The following AGPAT4 variants were observed in gnomAD, a reference collection of about 807,000 sequenced individuals.
AGPAT4 encodes 1-acylglycerol-3-phosphate O-acyltransferase 4, also known as 1-acyl-sn-glycerol-3-phosphate acyltransferase delta.
Under a neutral mutation model 48.0 loss-of-function variants are expected in AGPAT4, and 15 were observed. The ratio of observed to expected loss-of-function variants is 0.31; its 90% CI spans 0.21 to 0.48. AGPAT4 has a LOEUF of 0.48. AGPAT4 is among the 20% of genes least tolerant of loss of function. The pLI is 0.99. For synonymous variants in AGPAT4, 178 were observed against 198.7 expected (o/e 0.90, Z 0.88); for missense variants, 314 against 482.5 (o/e 0.65, Z 3.27).
rs779521928 is a variant in AGPAT4, at chr6:161,206,645, A to G, written c.178+25391T>C. Among the ~76,000 whole-genome samples, 2 of 152,156 alleles carry G rather than the reference A, an allele frequency of 1.3e-5. No homozygotes were observed. Among genetic ancestry groups the G allele is most frequent in the Non-Finnish European group, 2.9e-5 (2 of 68,038 alleles). Reference sequence around the variant, plus strand: ...AGATACAATTGAAAAATCACTTGACATGCCAAGGACCAGGAAAATCACAAC... The same window carrying G: ...AGATACAATTGAAAAATCACTTGACGTGCCAAGGACCAGGAAAATCACAAC... On this transcript the variant is annotated intron_variant, in intron 2 of 8. Transcript: ENST00000320285. This position sits in a 1 kb window ranked among gnomAD's most constrained non-coding sequence, Gnocchi z 4.8.
At position 161,222,487 on chromosome 6, in the gene AGPAT4, T is replaced by C. The variant is rs772027808; in HGVS notation, c.178+9549A>G. On this transcript the variant is annotated intron_variant, in intron 2 of 8. Transcript: ENST00000320285. The surrounding 1 kb of genome is among the most constrained non-coding windows in gnomAD (Gnocchi z 5.9). ...TACCAAGAGTTTTGTATTGTGCTAT[T>C]TTTACTTAATAATATTTAGGGTATA... is the stretch of plus-strand genomic sequence containing the variant. Among the ~76,000 whole-genome samples the C allele has an allele frequency of 1.3e-5, 2 of 152,204 alleles. No homozygotes were observed. Among genetic ancestry groups the C allele is most frequent in the African/African-American group, 2.4e-5 (1 of 41,444 alleles).
rs1782548151 is a variant in AGPAT4, at chr6:161,243,266, A to G, written c.-89-10964T>C. On this transcript the variant is annotated intron_variant, in intron 1 of 8. Transcript: ENST00000320285. This position sits in a 1 kb window ranked among gnomAD's most constrained non-coding sequence, Gnocchi z 4.8. Reference sequence around the variant, plus strand: ...GGCAGCTCTCCCCTTGGGGTTACCAAAGTAGGGAAATGGCCCAAGACCCGG... The same window carrying G: ...GGCAGCTCTCCCCTTGGGGTTACCAGAGTAGGGAAATGGCCCAAGACCCGG... Among the ~76,000 whole-genome samples the G allele has an allele frequency of 6.6e-6, 1 of 152,048 alleles. No homozygotes were observed. The highest frequency in any genetic ancestry group is 1.5e-5 in the Non-Finnish European group (1 of 67,998).
At chr6:161,162,267 C>A (rs1018378435) in intron 3 of AGPAT4, among the ~76,000 whole-genome samples, 1 of 152,268 alleles carries the variant, frequency 6.6e-6, no homozygotes, top group Non-Finnish European at 1.5e-5. Context: ...CCCCTGCACA[C>A]CCTACCCCAC....
chr6:161,154,461 C>A lies in AGPAT4; in HGVS notation c.349-151G>T. The A allele has an allele frequency of 1.2e-6, 1 of 856,522 alleles. No individual in the cohort carries two copies. Among genetic ancestry groups the A allele is most frequent in the South Asian group, 1.8e-5 (1 of 55,786 alleles). The allele number at this position is 856,522 out of a possible 1,614,324, so 53.1% of individuals were successfully genotyped here. A position where few individuals can be genotyped will look rare whatever the true frequency, so the allele number is the denominator to read the frequency against. On this transcript the variant is annotated intron_variant, in intron 3 of 8. Coordinates refer to ENST00000320285, the MANE Select transcript of AGPAT4 (RefSeq NM_020133.3). This position sits in a 1 kb window ranked among gnomAD's most constrained non-coding sequence, Gnocchi z 7.8. ...GAACACATGCTGTCGAGGCCATGGA[C>A]CCTGGTGCCCTCCCCACCTTTCAGC...
rs1783029088 is a variant in AGPAT4, at chr6:161,259,093, C to T, written c.-90+14845G>A. 1.3e-5 allele frequency among the ~76,000 whole-genome samples: 2 copies of T among 152,164 alleles called. No individual in the cohort carries two copies. The highest frequency in any genetic ancestry group is 6.5e-5 in the Admixed American group (1 of 15,284). ...GATTACAGGTGTGAGCCACGGTACCCGGCCTTAAATTCTTTTCAATTGACA... is the reference window on the plus strand; with the variant it reads ...GATTACAGGTGTGAGCCACGGTACCTGGCCTTAAATTCTTTTCAATTGACA... On this transcript the variant is annotated intron_variant, in intron 1 of 8. Transcript: ENST00000320285. The surrounding 1 kb of genome is among the most constrained non-coding windows in gnomAD (Gnocchi z 4.9).
rs1308329237 is a variant in AGPAT4, at chr6:161,161,002, G to T, written c.348+5246C>A. 4 of 453,376 alleles carry T rather than the reference G, an allele frequency of 8.8e-6. No individual in the cohort carries two copies. Among genetic ancestry groups the T allele is most frequent in the African/African-American group, 2.0e-5 (1 of 49,410 alleles). 28.1% of individuals were successfully genotyped at this position (453,376 alleles called of 1,614,324 possible). A position where few individuals can be genotyped will look rare whatever the true frequency, so the allele number is the denominator to read the frequency against. On this transcript the variant is annotated intron_variant, in intron 3 of 8. Coordinates refer to ENST00000320285, the MANE Select transcript of AGPAT4 (RefSeq NM_020133.3). The surrounding 1 kb of genome is among the most constrained non-coding windows in gnomAD (Gnocchi z 4.6). The stretch of plus-strand genomic sequence containing the variant: ...AAGCACAGGCAGATGGGGCATCAGA[G>T]GGCCCTAAGCACAGAGCACGAAAGG...
In AGPAT4 at chr6:161,154,364, G is replaced by C. The variant is rs2114967212; in HGVS notation, c.349-54C>G. The stretch of plus-strand genomic sequence containing the variant: ...CATGAAGGAGACGTCAGAGCCACCT[G>C]CCGGGGCTGTTGGAGACTGAAGTAG... On this transcript the variant is annotated intron_variant, in intron 3 of 8. Coordinates refer to ENST00000320285, the MANE Select transcript of AGPAT4 (RefSeq NM_020133.3). This position sits in a 1 kb window ranked among gnomAD's most constrained non-coding sequence, Gnocchi z 7.8. The C allele has an allele frequency of 1.2e-6, 2 of 1,604,906 alleles. No individual in the cohort carries two copies. Among genetic ancestry groups the C allele is most frequent in the African/African-American group, 1.3e-5 (1 of 74,660 alleles).
chr6:161,130,794 C>T lies in AGPAT4; in HGVS notation c.*5746G>A, dbSNP rs1367132220. ...TGCCATTGCTACCCGGAAGCTGGCT[C>T]TGCAGCGTTGTGACTTAGACACTTT... On this transcript the variant is annotated 3_prime_UTR_variant, in exon 9 of 9. Coordinates refer to ENST00000320285, the MANE Select transcript of AGPAT4 (RefSeq NM_020133.3). 3.9e-6 allele frequency: 2 copies of T among 513,562 alleles called. No homozygotes were observed. The highest frequency in any genetic ancestry group is 1.9e-5 in the African/African-American group (1 of 51,884). The allele number at this position is 513,562 out of a possible 1,614,324, so 31.8% of individuals were successfully genotyped here. A position where few individuals can be genotyped will look rare whatever the true frequency, so the allele number is the denominator to read the frequency against.
chr6:161,191,184 A>G (rs1480424502), intron 2 of AGPAT4, among the ~76,000 whole-genome samples: 1 of 152,244 alleles, frequency 6.6e-6, no homozygotes, highest in Admixed American at 6.5e-5. Flanking sequence ...GTTAGCATAC[A>G]CTTGACAGAC....
chr6:161,268,667 GCTGATATCAT>G, intron 1 of AGPAT4, among the ~76,000 whole-genome samples: 1 of 152,326 alleles, frequency 6.6e-6, no homozygotes, highest in Non-Finnish European at 1.5e-5. Flanking sequence ...ACAGCTTCAT[GCTGATATCAT>G]CTGAGTTTAA....
At position 161,140,302 on chromosome 6, in the gene AGPAT4, G is replaced by A. The variant is rs1324852588; in HGVS notation, c.844-682C>T. On this transcript the variant is annotated intron_variant, in intron 7 of 8. Coordinates refer to ENST00000320285, the MANE Select transcript of AGPAT4 (RefSeq NM_020133.3). The surrounding 1 kb of genome is among the most constrained non-coding windows in gnomAD (Gnocchi z 6.5). Reference sequence around the variant, plus strand: ...TCCAGGGTGACTCTTCTAAGTGATTGTTAGACCGTGTGAAAGGTAAACAAA... The same window carrying A: ...TCCAGGGTGACTCTTCTAAGTGATTATTAGACCGTGTGAAAGGTAAACAAA... 6.6e-6 allele frequency among the ~76,000 whole-genome samples: 1 copy of A among 152,214 alleles called. No individual in the cohort carries two copies. The highest frequency in any genetic ancestry group is 1.5e-5 in the Non-Finnish European group (1 of 68,032).
intron 2 of AGPAT4, among the ~76,000 whole-genome samples, chr6:161,187,091 A>G (rs918020768): frequency 1.1e-4 from 16 of 152,246 alleles, no homozygotes; most frequent in African/African-American, 3.9e-4. Context: ...TTATCTGTAA[A>G]AATGGAATAA....
rs371607424 is a variant in AGPAT4 at position 161,232,157 on chromosome 6, G to A, written c.57C>T (p.Tyr19=). The change falls in exon 2 of 9, where the codon TAC becomes TAT. Residue 19 remains tyrosine, a synonymous_variant. Coordinates refer to ENST00000320285, the MANE Select transcript of AGPAT4 (RefSeq NM_020133.3). This position sits in a 1 kb window ranked among gnomAD's most constrained non-coding sequence, Gnocchi z 6.8. ...TGATTAGCCCTGAGGCAATAAAGAC[G>A]TAGCAGAAGACCAGGTGGCACAGGA... is the stretch of plus-strand genomic sequence containing the variant. The part of the protein sequence containing the change: ...SQFLCHLVFC[Y]VFIASGLIIN... 1.9e-5 allele frequency: 30 copies of A among 1,614,046 alleles called. 1 individual carries two copies. Among genetic ancestry groups the A allele is most frequent in the South Asian group, 6.6e-5 (6 of 91,086 alleles).
At chr6:161,247,712 G>C (rs1782693496) in intron 1 of AGPAT4, among the ~76,000 whole-genome samples, 1 of 152,076 alleles carries the variant, frequency 6.6e-6, no homozygotes, top group African/African-American at 2.4e-5. Flanking sequence ...GCCAGGCCAT[G>C]GTGGCTTACA....
chr6:161,180,245 G>C lies in AGPAT4; in HGVS notation c.179-13828C>G, dbSNP rs906914407. Among the ~76,000 whole-genome samples the C allele has an allele frequency of 6.6e-6, 1 of 152,156 alleles. No individual in the cohort carries two copies. The highest frequency in any genetic ancestry group is 2.4e-5 in the African/African-American group (1 of 41,446). ...TTCCCCACCATTCCCCAAGGCTCCTGCTCCTTCCTCGCTCCAGTGGGTGGG... is the reference window on the plus strand; with the variant it reads ...TTCCCCACCATTCCCCAAGGCTCCTCCTCCTTCCTCGCTCCAGTGGGTGGG... On this transcript the variant is annotated intron_variant, in intron 2 of 8. Coordinates refer to ENST00000320285, the MANE Select transcript of AGPAT4 (RefSeq NM_020133.3). This position sits in a 1 kb window ranked among gnomAD's most constrained non-coding sequence, Gnocchi z 6.4.
chr6:161,175,309 A>G (rs1407407079), intron 2 of AGPAT4, among the ~76,000 whole-genome samples: 1 of 152,184 alleles, frequency 6.6e-6, no homozygotes, highest in African/African-American at 2.4e-5. Flanking sequence ...GCTATTAATT[A>G]TTGCCTCAAT....
chr6:161,236,069 C>T lies in AGPAT4; in HGVS notation c.-89-3767G>A, dbSNP rs183809854. ...GCTGGAGAGAAACATTTTAAAAATACTTTGCCTAGTTCCCTTTTAGCTTTG... is the reference window on the plus strand; with the variant it reads ...GCTGGAGAGAAACATTTTAAAAATATTTTGCCTAGTTCCCTTTTAGCTTTG... On this transcript the variant is annotated intron_variant, in intron 1 of 8. Transcript: ENST00000320285. The surrounding 1 kb of genome is among the most constrained non-coding windows in gnomAD (Gnocchi z 5.0). Among the ~76,000 whole-genome samples, 2 of 152,328 alleles carry T rather than the reference C, an allele frequency of 1.3e-5. No homozygotes were observed. Among genetic ancestry groups the T allele is most frequent in the Non-Finnish European group, 1.5e-5 (1 of 68,030 alleles).
rs561412790 is a variant in AGPAT4 at position 161,189,115 on chromosome 6, G to C, written c.179-22698C>G. Among the ~76,000 whole-genome samples, 12 of 152,202 alleles carry C rather than the reference G, an allele frequency of 7.9e-5. No homozygotes were observed. The highest frequency in any genetic ancestry group is 1.3e-4 in the Non-Finnish European group (9 of 68,032). On this transcript the variant is annotated intron_variant, in intron 2 of 8. Coordinates refer to ENST00000320285, the MANE Select transcript of AGPAT4 (RefSeq NM_020133.3). This position sits in a 1 kb window ranked among gnomAD's most constrained non-coding sequence, Gnocchi z 5.3. Reference sequence around the variant, plus strand: ...ACATCCCTGATAAATCATTTTGCCAGGGTTTCATCTACCAGGTGAGCTTTA... The same window carrying C: ...ACATCCCTGATAAATCATTTTGCCACGGTTTCATCTACCAGGTGAGCTTTA...
chr6:161,166,173 C>T lies in AGPAT4; in HGVS notation c.348+75G>A. 6.5e-7 allele frequency: 1 copy of T among 1,548,458 alleles called. No homozygotes were observed. The highest frequency in any genetic ancestry group is 1.9e-5 in the Admixed American group (1 of 52,800). On this transcript the variant is annotated intron_variant, in intron 3 of 8. Coordinates refer to ENST00000320285, the MANE Select transcript of AGPAT4 (RefSeq NM_020133.3). The surrounding 1 kb of genome is among the most constrained non-coding windows in gnomAD (Gnocchi z 6.7). ...GATTCTTCTGCAAGTTCTGAATGAC[C>T]AGGAGCAAAAAGACAAGTGGTGGGG...
Sources: gnomAD v4.1 joint callset for allele counts (sites outside exome capture counted in the v4.1 genomes callset) on GRCh38, gnomAD v4.1.1 for gene constraint, Gnocchi (gnomAD v3.1) non-coding constraint, MANE v1.5 for transcripts, NCBI Gene and HGNC (gene_info 2026-07-23, HGNC 2026-07-21) for gene names.